The following HSD17B3 variants were observed in gnomAD, a reference collection of about 807,000 sequenced individuals.
The protein encoded by HSD17B3 is 17-beta-hydroxysteroid dehydrogenase type 3.
In HSD17B3, 29 loss-of-function variants were observed where a neutral mutation model predicts 41.1. That is an observed-to-expected ratio of 0.71 (90% CI 0.53 to 0.96). The LOEUF is 0.96. HSD17B3 is among the 40% of genes least tolerant of loss of function. The pLI is 0.00. For synonymous variants in HSD17B3, 126 were observed against 145.6 expected, an observed-to-expected ratio of 0.87 and a Z score of 0.97; for missense variants, 323 against 374.6, an observed-to-expected ratio of 0.86 and a Z score of 1.14.
At chr9:96,281,198 C>T (rs1048869725) in intron 2 of HSD17B3, among the ~76,000 whole-genome samples, 15 of 152,016 alleles carry the variant, frequency 9.9e-5, no homozygotes, top group African/African-American at 3.6e-4. Context: ...TGTGAAAACC[C>T]CCTTCCCAAA....
At chr9:96,255,331 T>C (rs2130734246) in intron 2 of HSD17B3, among the ~76,000 whole-genome samples, 1 of 138,936 alleles carries the variant, frequency 7.2e-6, no homozygotes, top group Admixed American at 7.9e-5. Flanking sequence ...TGGGGCAGCA[T>C]CCCATAATAA....
At chr9:96,267,360 G>A (rs1826080008) in intron 2 of HSD17B3, among the ~76,000 whole-genome samples, 1 of 151,954 alleles carries the variant, frequency 6.6e-6, no homozygotes. Context: ...GTTTCACCAT[G>A]TTGGCCAGGC....
intron 1 of HSD17B3, among the ~76,000 whole-genome samples, chr9:96,301,720 A>AC (rs1827616895): frequency 2.6e-5 from 4 of 151,094 alleles, no homozygotes; most frequent in Admixed American, 2.6e-4. Context: ...CAAAAAAAAA[A>AC]AAAAAACACC....
chr9:96,277,010 G>A (rs933837794), intron 2 of HSD17B3, among the ~76,000 whole-genome samples: 2 of 152,090 alleles, frequency 1.3e-5, no homozygotes, highest in African/African-American at 4.8e-5. Flanking sequence ...GACCATCCTG[G>A]CTAACACAGT....
chr9:96,252,149 G>C (rs1825440648), intron 4 of HSD17B3, among the ~76,000 whole-genome samples: 2 of 152,134 alleles, frequency 1.3e-5, no homozygotes, highest in Non-Finnish European at 2.9e-5. Context: ...AGCAATGTTT[G>C]TTTGCTAAAC....
intron 2 of HSD17B3, among the ~76,000 whole-genome samples, chr9:96,262,785 C>T (rs1825910446): frequency 6.6e-6 from 1 of 151,956 alleles, no homozygotes; most frequent in Non-Finnish European, 1.5e-5. Flanking sequence ...ACTAATATTG[C>T]TTCCATTCCT....
At chr9:96,245,231 G>A (rs1034359038) in intron 8 of HSD17B3, 114 bp downstream of exon 8, 1 of 845,980 alleles carries the variant, frequency 1.2e-6, no homozygotes, top group Admixed American at 1.7e-5. Context: ...CTGCACATAA[G>A]AGAGCATCTC....
chr9:96,273,877 C>T lies in HSD17B3; in HGVS notation c.202-18934G>A, dbSNP rs1431389695. On this transcript the variant is annotated intron_variant, in intron 2 of 10. Coordinates refer to ENST00000375263, the MANE Select transcript of HSD17B3 (RefSeq NM_000197.2). The stretch of plus-strand genomic sequence containing the variant: ...TTCTCCTAGAGCCAAAGCCACCACA[C>T]AGAATCCAGCCACCTCCCTCACACT... Among the ~76,000 whole-genome samples the T allele has an allele frequency of 2.6e-5, 4 of 152,180 alleles. No homozygotes were observed. The South Asian group carries it at 6.2e-4, about 24-fold the overall frequency.
intron 2 of HSD17B3, among the ~76,000 whole-genome samples, chr9:96,287,093 G>A (rs1158749609): frequency 1.3e-5 from 2 of 152,180 alleles, no homozygotes; most frequent in Non-Finnish European, 2.9e-5. Flanking sequence ...AGAAAGAACT[G>A]TGTAGAGACG....
intron 2 of HSD17B3, among the ~76,000 whole-genome samples, chr9:96,268,954 G>GA (rs569107858): frequency 4.1e-5 from 6 of 147,514 alleles, no homozygotes; most frequent in South Asian, 4.3e-4. Flanking sequence ...ATCTCAAAAA[G>GA]AAAAAAAAAA....
chr9:96,243,629 T>C (rs1836539882), intron 9 of HSD17B3, among the ~76,000 whole-genome samples: 1 of 152,230 alleles, frequency 6.6e-6, no homozygotes, highest in Admixed American at 6.5e-5. Flanking sequence ...AAAAACTCTG[T>C]TTATTCTACG....
At chr9:96,235,978 TC>T (rs1836223240) in intron 10 of HSD17B3, among the ~76,000 whole-genome samples, 1 of 151,120 alleles carries the variant, frequency 6.6e-6, no homozygotes, top group African/African-American at 2.4e-5. Flanking sequence ...GCTAATTTTT[TC>T]TTTTTTTTTT....
At chr9:96,250,759 G>A (rs1836864871) in intron 5 of HSD17B3, among the ~76,000 whole-genome samples, 1 of 151,870 alleles carries the variant, frequency 6.6e-6, no homozygotes, top group African/African-American at 2.4e-5. Flanking sequence ...GTGGTGGCAG[G>A]CGCCTGCAGT....
At chr9:96,245,139 T>G (rs1836609226) in intron 8 of HSD17B3, among the ~76,000 whole-genome samples, 1 of 152,156 alleles carries the variant, frequency 6.6e-6, no homozygotes, top group East Asian at 1.9e-4. Flanking sequence ...GCTGGCCAAG[T>G]TGTGCACCGC....
intron 2 of HSD17B3, among the ~76,000 whole-genome samples, chr9:96,281,834 G>C (rs1054542219): frequency 2.6e-5 from 4 of 152,188 alleles, no homozygotes; most frequent in Admixed American, 2.6e-4. Flanking sequence ...TCTGGGCTCT[G>C]TGAGCGTCTC....
chr9:96,256,324 C>T (rs554522488), intron 2 of HSD17B3: 1 of 152,120 alleles, frequency 6.6e-6, no homozygotes, highest in Admixed American at 6.5e-5. Flanking sequence ...AAGCACTACA[C>T]TGTTATTTTA....
At chr9:96,254,705 C>A (rs1033071585) in intron 3 of HSD17B3, among the ~76,000 whole-genome samples, 163 bp downstream of exon 3, 34 of 152,214 alleles carry the variant, frequency 2.2e-4, no homozygotes, top group Non-Finnish European at 4.1e-4. Flanking sequence ...AAAGCTGACA[C>A]CTTCTATCCC....
intron 6 of HSD17B3, among the ~76,000 whole-genome samples, chr9:96,249,267 A>G (rs1052866097): frequency 1.5e-4 from 23 of 152,312 alleles, no homozygotes; most frequent in African/African-American, 5.5e-4. Context: ...AACTTGTCCA[A>G]TGCTGTCCAA....
chr9:96,287,518 G>T (rs933221999), intron 2 of HSD17B3, among the ~76,000 whole-genome samples: 7 of 152,130 alleles, frequency 4.6e-5, no homozygotes, highest in Non-Finnish European at 8.8e-5. Flanking sequence ...AGACCATCCT[G>T]GCTAACACAG....
Sources: gnomAD v4.1 joint callset for allele counts (sites outside exome capture counted in the v4.1 genomes callset) on GRCh38, gnomAD v4.1.1 for gene constraint, MANE v1.5 for transcripts, NCBI Gene and HGNC (gene_info 2026-07-23, HGNC 2026-07-21) for gene names.